The following FEZ2 variants were observed in gnomAD, a reference collection of about 807,000 sequenced individuals.
The protein encoded by FEZ2 is fasciculation and elongation protein zeta-2.
In FEZ2, 51 loss-of-function variants were observed where a neutral mutation model predicts 40.4. The ratio of observed to expected loss-of-function variants is 1.26; its 90% confidence interval spans 1.01 to 1.59. The LOEUF (loss-of-function observed/expected upper bound fraction) is 1.59. Ranked by LOEUF, FEZ2 falls within the 40% of genes most tolerant of loss-of-function variation. FEZ2 has a pLI of 0.00. For missense variants in FEZ2, 640 were observed against 438.3 expected, an observed-to-expected ratio of 1.46 and a Z score of -4.11; for synonymous variants, 242 against 172.0, an observed-to-expected ratio of 1.41 and a Z score of -3.18.
intron 6 of FEZ2, chr2:36,557,337 C>T (rs1667984087): frequency 6.6e-6 from 1 of 152,126 alleles, no homozygotes; most frequent in African/African-American, 2.4e-5. Context: ...GACTGGCTGG[C>T]ATCACTTGAT....
intron 2 of FEZ2, chr2:36,590,077 C>T (rs1180443317): frequency 1.1e-4 from 16 of 152,248 alleles, no homozygotes; most frequent in Admixed American, 1.0e-3. Flanking sequence ...ACCTGTCCCA[C>T]CACTCGTGCT....
Position 36,581,390 on chromosome 2 carries a change from G to T in FEZ2, c.534C>A (p.Asp178Glu), listed in dbSNP as rs1395892883. Reference protein sequence around the residue: ...EIEEMMQESPDPEDDETPTQS... With the variant: ...EIEEMMQESPEPEDDETPTQS... ...GTGTAGGGGTTTCATCATCTTCTGG[G>T]TCCGGTGATTCCTGCATCATTTCTT... is the stretch of plus-strand genomic sequence containing the variant. Residue 178 changes from aspartate (D) to glutamate (E), a missense_variant, in exon 4 of 8, where the codon GAC becomes GAA. Transcript: ENST00000405912. The T allele has an allele frequency of 6.2e-7, 1 of 1,613,218 alleles. No homozygotes were observed. Among genetic ancestry groups the T allele is most frequent in the South Asian group, 1.1e-5 (1 of 91,058 alleles).
chr2:36,583,530 C>G, intron 2 of FEZ2, 61 bp from the exon 3 acceptor site: 1 of 870,786 alleles, frequency 1.1e-6, no homozygotes, highest in South Asian at 1.3e-5. Context: ...AAGTTAACAG[C>G]TCTGAGTAAA....
chr2:36,565,348 T>C (rs1390678149), intron 5 of FEZ2, among the ~76,000 whole-genome samples: 4 of 152,218 alleles, frequency 2.6e-5, no homozygotes, highest in Admixed American at 1.3e-4. Flanking sequence ...AAATCCATTT[T>C]TGGTTCTCTA....
chr2:36,592,519 G>A (rs1010922383), intron 1 of FEZ2, among the ~76,000 whole-genome samples: 2 of 152,016 alleles, frequency 1.3e-5, no homozygotes, highest in East Asian at 1.9e-4. Flanking sequence ...TAAAATGCAC[G>A]TTAGGGATGG....
At chr2:36,573,933 C>A (rs1239324630) in intron 5 of FEZ2, among the ~76,000 whole-genome samples, 1 of 152,172 alleles carries the variant, frequency 6.6e-6, no homozygotes, top group Non-Finnish European at 1.5e-5. Context: ...AAAAGCTGGT[C>A]ATTTAAAGCC....
chr2:36,566,257 G>A (rs1200473601), intron 5 of FEZ2, among the ~76,000 whole-genome samples: 1 of 151,742 alleles, frequency 6.6e-6, no homozygotes, highest in African/African-American at 2.4e-5. Context: ...GGAGAATGGC[G>A]TGAATCCGGG....
At chr2:36,577,953 A>T (rs1263988650) in intron 5 of FEZ2, among the ~76,000 whole-genome samples, 2 of 152,234 alleles carry the variant, frequency 1.3e-5, no homozygotes, top group Admixed American at 6.5e-5. Context: ...ACACAAACAA[A>T]ATCAAGGTGG....
rs936959099 is a variant in FEZ2 at position 36,586,591 on chromosome 2, C to T, written c.376-3122G>A. 6.0e-5 allele frequency among the ~76,000 whole-genome samples: 9 copies of T among 148,918 alleles called. No homozygotes were observed. In the East Asian group the frequency reaches 1.2e-3, roughly 20 times the overall value. On this transcript the variant is annotated intron_variant, in intron 2 of 7. Coordinates refer to ENST00000405912, the MANE Select transcript of FEZ2 (RefSeq NM_005102.3). ...GCAGTGAGCCAAGATGGTGCCACTG[C>T]GCTCCAGCCTGGACAACAGAGCCAG...
chr2:36,594,456 CA>C, intron 1 of FEZ2: 4 of 201,488 alleles, frequency 2.0e-5, no homozygotes, highest in South Asian at 1.0e-4. Context: ...TGGCAGGAGG[CA>C]AAAGGCACTT....
intron 5 of FEZ2, among the ~76,000 whole-genome samples, chr2:36,563,894 GCTT>G (rs1374283745): frequency 6.6e-6 from 1 of 152,106 alleles, no homozygotes; most frequent in African/African-American, 2.4e-5. Flanking sequence ...CTCTCTAGTT[GCTT>G]CTTCTAAGAG....
intron 2 of FEZ2, among the ~76,000 whole-genome samples, chr2:36,588,216 C>T (rs1209822004): frequency 2.0e-5 from 3 of 151,934 alleles, no homozygotes; most frequent in Non-Finnish European, 2.9e-5. Flanking sequence ...TTAGTAGAGA[C>T]GGGGTTTCAC....
At chr2:36,560,807 C>G (rs755652536) in intron 5 of FEZ2, 1 of 1,609,840 alleles carries the variant, frequency 6.2e-7, no homozygotes, top group Non-Finnish European at 8.5e-7. Flanking sequence ...ACCTGAATTT[C>G]CAAAGGTGTG....
At chr2:36,570,866 G>A (rs1018830550) in intron 5 of FEZ2, among the ~76,000 whole-genome samples, 13 of 152,290 alleles carry the variant, frequency 8.5e-5, no homozygotes, top group Middle Eastern at 3.4e-3. Flanking sequence ...ATGACTGACC[G>A]AAATATCACT....
chr2:36,578,213 G>GT lies in FEZ2; in HGVS notation c.903+383dup, dbSNP rs534756526. 1.5e-3 allele frequency among the ~76,000 whole-genome samples: 230 copies of GT among 152,176 alleles called. 1 individual carries two copies. The highest frequency in any genetic ancestry group is 5.2e-3 in the African/African-American group (215 of 41,506). ...CTTCTAATTTCTTATCACACAACTC[G>GT]TAAGAGTTCAGCAAAAATAAGAAAA... On this transcript the variant is annotated intron_variant, in intron 5 of 7. Transcript: ENST00000405912.
chr2:36,553,486 C>T (rs1337408912), intron 7 of FEZ2, among the ~76,000 whole-genome samples: 2 of 152,104 alleles, frequency 1.3e-5, no homozygotes, highest in Non-Finnish European at 2.9e-5. Context: ...CAAACAGGAT[C>T]CCTAGGGAAG....
intron 5 of FEZ2, among the ~76,000 whole-genome samples, chr2:36,576,660 G>C (rs1421041479): frequency 6.6e-6 from 1 of 152,232 alleles, no homozygotes; most frequent in East Asian, 1.9e-4. Flanking sequence ...GACACAAATT[G>C]TAAATCAGGC....
intron 2 of FEZ2, among the ~76,000 whole-genome samples, chr2:36,584,254 A>T (rs947167028): frequency 3.3e-5 from 5 of 152,164 alleles, no homozygotes; most frequent in Admixed American, 1.3e-4. Flanking sequence ...CATAGCTCTG[A>T]TTAGCAGACT....
intron 1 of FEZ2, chr2:36,594,287 C>A (rs1342804720): frequency 6.5e-6 from 1 of 153,558 alleles, no homozygotes; most frequent in African/African-American, 2.4e-5. Context: ...GTCATTTCCA[C>A]ATTTTCAGGT....
Sources: gnomAD v4.1 joint callset for allele counts (sites outside exome capture counted in the v4.1 genomes callset) on GRCh38, gnomAD v4.1.1 for gene constraint, MANE v1.5 for transcripts, NCBI Gene and HGNC (gene_info 2026-07-23, HGNC 2026-07-21) for gene names.